PIK3R6: variants seen among roughly 807,000 people sequenced by gnomAD.
PIK3R6 encodes the protein phosphoinositide-3-kinase regulatory subunit 6.
A neutral mutation model predicts 84.9 loss-of-function variants in PIK3R6; 91 were observed. The ratio of observed to expected loss-of-function variants is 1.07; its 90% confidence interval spans 0.90 to 1.28. PIK3R6 has a LOEUF of 1.28. Ranked by LOEUF, PIK3R6 falls within the 50% of genes most tolerant of loss-of-function variation. The pLI, the probability that PIK3R6 is intolerant of heterozygous loss-of-function variation, is 0.00. For synonymous variants in PIK3R6, 416 were observed against 411.4 expected, an observed-to-expected ratio of 1.01 and a Z score of -0.13; for missense variants, 996 against 985.1, an observed-to-expected ratio of 1.01 and a Z score of -0.15.
chr17:8,867,447 T>C (rs1472665325), intron 1 of PIK3R6, 82 bp downstream of exon 1: 2 of 211,326 alleles, frequency 9.5e-6, no homozygotes, highest in Admixed American at 4.8e-5. Flanking sequence ...GGGGCTCCCC[T>C]TCCAGGTCCC....
At chr17:8,865,975 C>T (rs2089401964) in intron 1 of PIK3R6, among the ~76,000 whole-genome samples, 1 of 152,150 alleles carries the variant, frequency 6.6e-6, no homozygotes, top group African/African-American at 2.4e-5. Flanking sequence ...GCGATGACTG[C>T]AGCTTGGCAT....
chr17:8,825,830 A>G (rs952525022), intron 13 of PIK3R6, among the ~76,000 whole-genome samples: 3 of 152,260 alleles, frequency 2.0e-5, no homozygotes, highest in African/African-American at 7.2e-5. Context: ...ATGTCTGACT[A>G]CACCCAAGTA....
intron 8 of PIK3R6, among the ~76,000 whole-genome samples, chr17:8,834,040 C>G (rs2088361844): frequency 6.6e-6 from 1 of 151,110 alleles, no homozygotes; most frequent in Admixed American, 6.6e-5. Flanking sequence ...CCTGTAGTCC[C>G]AGCTACTCAG....
At chr17:8,827,112 C>T (rs1486780232) in intron 13 of PIK3R6, 60 bp downstream of exon 13, 2 of 1,579,160 alleles carry the variant, frequency 1.3e-6, no homozygotes, top group Non-Finnish European at 1.7e-6. Context: ...CCGTTCTCCC[C>T]TCTGCCCAGA....
chr17:8,805,859 A>G (rs986159381), intron 18 of PIK3R6, among the ~76,000 whole-genome samples: 7 of 151,972 alleles, frequency 4.6e-5, no homozygotes, highest in African/African-American at 1.7e-4. Flanking sequence ...CAGAGATTGC[A>G]GTGAGCTGAG....
intron 5 of PIK3R6, among the ~76,000 whole-genome samples, chr17:8,837,557 T>G (rs189275814): frequency 2.6e-5 from 4 of 152,236 alleles, no homozygotes; most frequent in Admixed American, 2.0e-4. Context: ...TGTCTCCTGT[T>G]GCACTGCACA....
At chr17:8,856,171 C>CT (rs1190560961) in intron 1 of PIK3R6, among the ~76,000 whole-genome samples, 1 of 152,218 alleles carries the variant, frequency 6.6e-6, no homozygotes, top group African/African-American at 2.4e-5. Flanking sequence ...GTCTTTATCT[C>CT]TTTTTTAGTC....
At chr17:8,843,579 T>G (rs1403836508) in intron 2 of PIK3R6, among the ~76,000 whole-genome samples, 1 of 152,138 alleles carries the variant, frequency 6.6e-6, no homozygotes, top group Admixed American at 6.5e-5. Context: ...AAACAAACTC[T>G]CAGGCTTTGG....
At chr17:8,848,653 A>G (rs1178430595) in intron 2 of PIK3R6, among the ~76,000 whole-genome samples, 3 of 152,172 alleles carry the variant, frequency 2.0e-5, no homozygotes, top group Non-Finnish European at 1.5e-5. Flanking sequence ...GTTGACCAAA[A>G]CATTGCCAAT....
chr17:8,835,169 G>T (rs1043512371), intron 8 of PIK3R6, 104 bp downstream of exon 8: 15 of 1,206,194 alleles, frequency 1.2e-5, no homozygotes, highest in Non-Finnish European at 1.5e-5. Flanking sequence ...TGGGGGAAAA[G>T]GTGATGCGAA....
intron 2 of PIK3R6, among the ~76,000 whole-genome samples, chr17:8,840,718 TA>T (rs2088650783): frequency 6.7e-6 from 1 of 148,660 alleles, no homozygotes; most frequent in Non-Finnish European, 1.5e-5. Flanking sequence ...TGTGCAAAAG[TA>T]ATTGCAGTTT....
rs1239085351 is a variant in PIK3R6, at chr17:8,867,606, C to A, written c.-169G>T. 1 of 512,768 alleles carries A rather than the reference C, an allele frequency of 2.0e-6. No individual in the cohort carries two copies. Among genetic ancestry groups the A allele is most frequent in the Non-Finnish European group, 3.9e-6 (1 of 255,912 alleles). The allele number at this position is 512,768 out of a possible 1,614,324, so 31.8% of individuals were successfully genotyped here. On this transcript the variant is annotated 5_prime_UTR_variant, in exon 1 of 20. Coordinates refer to ENST00000619866, the MANE Select transcript of PIK3R6 (RefSeq NM_001010855.4). The stretch of plus-strand genomic sequence containing the variant: ...CGGTCCTGAGCGAGGTCCCCAGTCC[C>A]AGAGAAGCAGATGTCTTGGGGGAGC...
In PIK3R6 at chr17:8,854,774, T is replaced by G. The variant is rs148303825; in HGVS notation, c.-91-4889A>C. The stretch of plus-strand genomic sequence containing the variant: ...AAGAAAGCATAGGAAAAAATCCTTG[T>G]AACCTCATGTGAAGGAAGAAGTTTT... On this transcript the variant is annotated intron_variant, in intron 1 of 19. Coordinates refer to ENST00000619866, the MANE Select transcript of PIK3R6 (RefSeq NM_001010855.4). Among the ~76,000 whole-genome samples the G allele has an allele frequency of 6.6e-5, 10 of 152,358 alleles. No individual in the cohort carries two copies. In the East Asian group the frequency reaches 1.9e-3, roughly 29 times the overall value.
At chr17:8,828,436 C>A in intron 11 of PIK3R6, 131 bp downstream of exon 11, 6 of 1,208,350 alleles carry the variant, frequency 5.0e-6, no homozygotes, top group Non-Finnish European at 6.9e-6. Context: ...TGTGCGGCAT[C>A]CTCCTCCGTC....
At chr17:8,854,159 A>T (rs1182622152) in intron 1 of PIK3R6, among the ~76,000 whole-genome samples, 2 of 150,578 alleles carry the variant, frequency 1.3e-5, no homozygotes, top group Non-Finnish European at 3.0e-5. Flanking sequence ...CTTTATTTTT[A>T]TTTTTTTTTG....
chr17:8,826,229 T>C (rs148090225), intron 13 of PIK3R6, among the ~76,000 whole-genome samples: 1 of 152,348 alleles, frequency 6.6e-6, no homozygotes, highest in Non-Finnish European at 1.5e-5. Flanking sequence ...TGTGTGTAAG[T>C]GTTTAGAACA....
chr17:8,823,449 C>T lies in PIK3R6; in HGVS notation c.1564G>A (p.Val522Ile), dbSNP rs757662556. 41 of 1,612,570 alleles carry T rather than the reference C, an allele frequency of 2.5e-5. No homozygotes were observed. The highest frequency in any genetic ancestry group is 6.7e-5 in the African/African-American group (5 of 74,704). The part of the protein sequence containing the change: ...SRTVDPFILD[V>I]ITYYIRMGTQ... ...CCCATGCGGATGTAGTAGGTGATGACGTCTAGGATGAAGGGGTCCACAGTC... is the reference window on the plus strand; with the variant it reads ...CCCATGCGGATGTAGTAGGTGATGATGTCTAGGATGAAGGGGTCCACAGTC... Residue 522 changes from valine to isoleucine, a missense_variant, in exon 14 of 20, where the codon GTC (valine) becomes ATC (isoleucine). Coordinates refer to ENST00000619866, the MANE Select transcript of PIK3R6 (RefSeq NM_001010855.4).
chr17:8,828,401 G>A (rs550300824), intron 11 of PIK3R6, among the ~76,000 whole-genome samples, 166 bp downstream of exon 11: 45 of 152,256 alleles, frequency 3.0e-4, no homozygotes, highest in Non-Finnish European at 4.4e-4. Flanking sequence ...CAGGGATTGC[G>A]GTGCTCTGTG....
chr17:8,835,599 T>C (rs1265883888), intron 7 of PIK3R6, 143 bp from the exon 8 acceptor site: 2 of 701,528 alleles, frequency 2.9e-6, no homozygotes, highest in Non-Finnish European at 4.5e-6. Context: ...CAAAAGTCTC[T>C]GGGTGGGATG....
Sources: allele counts gnomAD v4.1 joint callset (sites outside exome capture counted in the v4.1 genomes callset), GRCh38; gene constraint gnomAD v4.1.1; transcripts MANE v1.5; gene names NCBI Gene and HGNC (gene_info 2026-07-23, HGNC 2026-07-21).